LYPLAL1: variants seen among roughly 807,000 people sequenced by gnomAD.
LYPLAL1 encodes lysophospholipase like 1, also known as lysophospholipase-like protein 1.
A neutral mutation model predicts 19.7 loss-of-function variants in LYPLAL1; 23 were observed. The observed-to-expected ratio is 1.17, with a 90% CI of 0.84 to 1.65. The LOEUF (loss-of-function observed/expected upper bound fraction) is 1.65, where lower values mean the gene tolerates loss of function less well. Among genes scored for constraint, LYPLAL1 ranks in the 40% most tolerant of loss-of-function variants. The pLI, the probability that LYPLAL1 is intolerant of heterozygous loss-of-function variation, is 0.00. For synonymous variants in LYPLAL1, 119 were observed against 96.3 expected (o/e 1.24, Z -1.38); for missense variants, 355 against 279.4 (o/e 1.27, Z -1.93).
At chr1:219,236,061 G>GAA in the LYPLAL1 span, among the ~76,000 whole-genome samples, 1 of 152,156 alleles carries the variant, frequency 6.6e-6, no homozygotes, top group Non-Finnish European at 1.5e-5. Flanking sequence ...TTGATTTCTA[G>GAA]CCAAACAAAC....
chr1:219,427,011 A>G, the LYPLAL1 span, among the ~76,000 whole-genome samples: 1 of 152,268 alleles, frequency 6.6e-6, no homozygotes, highest in African/African-American at 2.4e-5. Context: ...ACTTCATTCT[A>G]CTACCTCCTA....
the LYPLAL1 span, among the ~76,000 whole-genome samples, chr1:219,348,088 G>A: frequency 6.6e-6 from 1 of 152,190 alleles, no homozygotes; most frequent in African/African-American, 2.4e-5. Context: ...TGCTAACCTG[G>A]CCAAGTCAGC....
chr1:219,261,615 C>T, the LYPLAL1 span, among the ~76,000 whole-genome samples: 1 of 152,150 alleles, frequency 6.6e-6, no homozygotes, highest in African/African-American at 2.4e-5. Context: ...ATCTCTCCTT[C>T]GTTTATGAAA....
the LYPLAL1 span, among the ~76,000 whole-genome samples, chr1:219,347,553 C>T: frequency 0.2 from 30,609 of 152,048 alleles, 3,661 homozygotes; most frequent in Admixed American, 0.31. Context: ...TAATACCACC[C>T]CCCAGGATTC....
At chr1:219,220,875 C>T in the LYPLAL1 span, among the ~76,000 whole-genome samples, 1 of 152,176 alleles carries the variant, frequency 6.6e-6, no homozygotes, top group South Asian at 2.1e-4. Flanking sequence ...GTGTTGTGCC[C>T]GGAGTAAACT....
intron 2 of LYPLAL1, among the ~76,000 whole-genome samples, chr1:219,189,800 A>T (rs1393565031): frequency 6.6e-6 from 1 of 151,694 alleles, no homozygotes; most frequent in East Asian, 1.9e-4. Context: ...ATTAATTAGA[A>T]TTCCAAAAGG....
intron 3 of LYPLAL1, among the ~76,000 whole-genome samples, chr1:219,202,517 T>C (rs1051119016): frequency 1.3e-5 from 2 of 152,226 alleles, no homozygotes; most frequent in African/African-American, 4.8e-5. Context: ...TTTATACTTT[T>C]GTACAGTGTC....
chr1:219,310,437 A>C, the LYPLAL1 span, among the ~76,000 whole-genome samples: 1 of 152,206 alleles, frequency 6.6e-6, no homozygotes, highest in Non-Finnish European at 1.5e-5. Context: ...TTTGAGTTGG[A>C]AGACATGCCA....
chr1:219,317,895 G>C, the LYPLAL1 span, among the ~76,000 whole-genome samples: 3 of 152,168 alleles, frequency 2.0e-5, no homozygotes, highest in Admixed American at 1.3e-4. Context: ...CAACAGGTCT[G>C]TGGTCTATCA....
At chr1:219,435,547 G>T in the LYPLAL1 span, 1 of 152,194 alleles carries the variant, frequency 6.6e-6, no homozygotes, top group Non-Finnish European at 1.5e-5. Flanking sequence ...ATCAGGCTGG[G>T]TGCGGTGGCT....
chr1:219,295,378 A>G, the LYPLAL1 span, among the ~76,000 whole-genome samples: 1 of 152,154 alleles, frequency 6.6e-6, no homozygotes, highest in Non-Finnish European at 1.5e-5. Flanking sequence ...AAATTTTGTC[A>G]TTGTAAATTT....
chr1:219,220,251 T>C, the LYPLAL1 span, among the ~76,000 whole-genome samples: 6 of 152,062 alleles, frequency 3.9e-5, no homozygotes, highest in Non-Finnish European at 7.3e-5. Flanking sequence ...TGGCGAGTAA[T>C]GTACTCAACC....
At chr1:219,282,461 G>A in the LYPLAL1 span, among the ~76,000 whole-genome samples, 1 of 150,104 alleles carries the variant, frequency 6.7e-6, no homozygotes, top group Non-Finnish European at 1.5e-5. Context: ...TGAAAGACAT[G>A]TGTCTTCCCA....
At chr1:219,284,994 A>C in the LYPLAL1 span, among the ~76,000 whole-genome samples, 1 of 152,258 alleles carries the variant, frequency 6.6e-6, no homozygotes, top group African/African-American at 2.4e-5. Flanking sequence ...ACATGAAATT[A>C]ATGGTAATAA....
chr1:219,292,036 C>A, the LYPLAL1 span, among the ~76,000 whole-genome samples: 32 of 152,324 alleles, frequency 2.1e-4, no homozygotes, highest in East Asian at 5.8e-3. Context: ...AAAGCAGGCA[C>A]CTGGGTGTGC....
At position 219,212,752 on chromosome 1, in the gene LYPLAL1, A is replaced by G. The variant is rs150347670; in HGVS notation, c.*1024A>G. 1.1e-4 allele frequency: 17 copies of G among 152,190 alleles called. No individual in the cohort carries two copies. In the East Asian group the frequency reaches 3.3e-3, roughly 29 times the overall value. 9.4% of individuals were successfully genotyped at this position (152,190 alleles called of 1,614,324 possible). A position where few individuals can be genotyped will look rare whatever the true frequency, so the allele number is the denominator to read the frequency against. On this transcript the variant is annotated 3_prime_UTR_variant, in exon 5 of 5. Coordinates refer to ENST00000366928, the MANE Select transcript of LYPLAL1 (RefSeq NM_138794.5). ...TAGTTCATCTATTTTATTGCTCAGT[A>G]ATATTCCATTGTGTGGATGTATCAC... is the stretch of plus-strand genomic sequence containing the variant.
chr1:219,385,569 T>G, the LYPLAL1 span, among the ~76,000 whole-genome samples: 1 of 139,154 alleles, frequency 7.2e-6, no homozygotes, highest in Non-Finnish European at 1.7e-5. Context: ...AAGAAGCTTG[T>G]AGAAAAAAGT....
chr1:219,366,187 G>T, the LYPLAL1 span, among the ~76,000 whole-genome samples: 1 of 151,968 alleles, frequency 6.6e-6, no homozygotes, highest in African/African-American at 2.4e-5. Context: ...TCACTAACCT[G>T]CCCCAAGAAG....
At chr1:219,299,728 G>A in the LYPLAL1 span, among the ~76,000 whole-genome samples, 1 of 152,190 alleles carries the variant, frequency 6.6e-6, no homozygotes, top group Non-Finnish European at 1.5e-5. Flanking sequence ...CATGAAGACT[G>A]GAGCCACATG....
Sources: gnomAD v4.1 joint callset for allele counts (sites outside exome capture counted in the v4.1 genomes callset) on GRCh38, gnomAD v4.1.1 for gene constraint, MANE v1.5 for transcripts, NCBI Gene and HGNC (gene_info 2026-07-23, HGNC 2026-07-21) for gene names.